The following FNTB variants were observed in gnomAD, a reference collection of about 807,000 sequenced individuals.
The protein encoded by FNTB is protein farnesyltransferase subunit beta.
In FNTB, 27 loss-of-function variants were observed where a neutral mutation model predicts 59.4. That is an observed-to-expected ratio of 0.45 (90% CI 0.34 to 0.63). FNTB has a LOEUF of 0.63. Among genes scored for constraint, FNTB ranks in the 20% least tolerant of loss-of-function variants. The probability of loss-of-function intolerance (pLI) is 0.02; values close to 1 mark genes in which losing one functional copy is unlikely to be tolerated. For synonymous variants in FNTB, 230 were observed against 220.7 expected (o/e 1.04, Z -0.37); for missense variants, 449 against 559.6 (o/e 0.80, Z 1.99).
Position 65,061,543 on chromosome 14 carries a change from G to A in FNTB, c.*231G>A, listed in dbSNP as rs770318505. 50 of 595,148 alleles carry A rather than the reference G, an allele frequency of 8.4e-5. No individual in the cohort carries two copies. Among genetic ancestry groups the A allele is most frequent in the Non-Finnish European group, 1.3e-4 (46 of 366,686 alleles). The allele number at this position is 595,148 out of a possible 1,614,324, so 36.9% of individuals were successfully genotyped here. A position where few individuals can be genotyped will look rare whatever the true frequency, so the allele number is the denominator to read the frequency against. On this transcript the variant is annotated 3_prime_UTR_variant, in exon 12 of 12. Transcript: ENST00000246166. ...TCAAACCAAAAATCTATCAGCCCACGTGGTGTGGTTGGTGAACAGTGCATG... is the reference window on the plus strand; with the variant it reads ...TCAAACCAAAAATCTATCAGCCCACATGGTGTGGTTGGTGAACAGTGCATG...
intron 4 of FNTB, among the ~76,000 whole-genome samples, chr14:65,020,193 T>A (rs534659166): frequency 6.6e-6 from 1 of 152,226 alleles, no homozygotes; most frequent in Non-Finnish European, 1.5e-5. Context: ...TGTCAGCTGC[T>A]ATGACCGCTG....
In FNTB at chr14:65,027,280, A is replaced by G. The variant is rs2139573136; in HGVS notation, c.375-173A>G. 1.0e-6 allele frequency: 1 copy of G among 972,946 alleles called. No homozygotes were observed. Among genetic ancestry groups the G allele is most frequent in the Non-Finnish European group, 1.5e-6 (1 of 665,228 alleles). 60.3% of individuals were successfully genotyped at this position (972,946 alleles called of 1,614,324 possible). On this transcript the variant is annotated intron_variant, in intron 4 of 11. Transcript: ENST00000246166. This position sits in a 1 kb window ranked among gnomAD's most constrained non-coding sequence, Gnocchi z 5.7. ...GGCAGACAGAAATGATGATAGCTGG[A>G]GAGAGAATTAAGCCCTTTGGGGAGA...
chr14:65,015,299 C>T (rs559836856), intron 3 of FNTB, among the ~76,000 whole-genome samples: 37 of 151,686 alleles, frequency 2.4e-4, no homozygotes, highest in African/African-American at 6.3e-4. Flanking sequence ...GACAGGGTTT[C>T]GCCATGTTGG....
At chr14:65,006,042 T>C (rs2061581592) in intron 2 of FNTB, 1 of 1,244,224 alleles carries the variant, frequency 8.0e-7, no homozygotes, top group Non-Finnish European at 1.1e-6. Context: ...CTTCATCATG[T>C]CTCTTGACTT....
At chr14:64,992,090 C>T (rs1888221871) in intron 1 of FNTB, among the ~76,000 whole-genome samples, 1 of 152,076 alleles carries the variant, frequency 6.6e-6, no homozygotes, top group Non-Finnish European at 1.5e-5. Context: ...ATAAAACTTC[C>T]CAACTTTTTA....
chr14:65,015,082 C>A (rs956851514), intron 3 of FNTB, among the ~76,000 whole-genome samples: 2 of 150,994 alleles, frequency 1.3e-5, no homozygotes, highest in African/African-American at 2.4e-5. Context: ...TTTTTTTAAT[C>A]CTGTTGTCTT....
intron 11 of FNTB, among the ~76,000 whole-genome samples, chr14:65,059,916 C>T (rs1255017786): frequency 9.3e-5 from 14 of 150,326 alleles, no homozygotes. Flanking sequence ...TCACTGCAAC[C>T]TCCGCCTCCC....
chr14:65,042,225 C>T (rs895429053), intron 8 of FNTB, among the ~76,000 whole-genome samples: 1 of 152,018 alleles, frequency 6.6e-6, no homozygotes, highest in Non-Finnish European at 1.5e-5. Context: ...CAGGATGATT[C>T]AAGTACATTA....
At chr14:65,036,395 C>T (rs1283420191) in intron 7 of FNTB, among the ~76,000 whole-genome samples, 1 of 151,806 alleles carries the variant, frequency 6.6e-6, no homozygotes, top group Non-Finnish European at 1.5e-5. Flanking sequence ...TGCCACCACA[C>T]CTGGCTAATT....
At chr14:65,008,517 A>T (rs1171506603) in intron 2 of FNTB, among the ~76,000 whole-genome samples, 1 of 152,242 alleles carries the variant, frequency 6.6e-6, no homozygotes, top group East Asian at 1.9e-4. Flanking sequence ...CCGATGGGAT[A>T]ATTTGAGAGA....
In FNTB at chr14:65,047,595, G is replaced by T; in HGVS notation, c.955+3152G>T. Among the ~76,000 whole-genome samples the T allele has an allele frequency of 6.6e-6, 1 of 152,052 alleles. No individual in the cohort carries two copies. Among genetic ancestry groups the T allele is most frequent in the Non-Finnish European group, 1.5e-5 (1 of 68,012 alleles). On this transcript the variant is annotated intron_variant, in intron 9 of 11. Coordinates refer to ENST00000246166, the MANE Select transcript of FNTB (RefSeq NM_002028.4). This position sits in a 1 kb window ranked among gnomAD's most constrained non-coding sequence, Gnocchi z 5.2. ...AAATAGGTTAAGTCATTTTTTGGAGGGCAGTTTGGAGACATCCATTTAAAT... is the reference window on the plus strand; with the variant it reads ...AAATAGGTTAAGTCATTTTTTGGAGTGCAGTTTGGAGACATCCATTTAAAT...
At chr14:64,987,441 G>C (rs774441193) in intron 1 of FNTB, 4 of 359,834 alleles carry the variant, frequency 1.1e-5, no homozygotes, top group African/African-American at 8.2e-5. Flanking sequence ...AGTACTTCGG[G>C]AGGTTCTGGG....
chr14:65,015,982 G>C (rs1162721569), intron 4 of FNTB, among the ~76,000 whole-genome samples: 1 of 152,126 alleles, frequency 6.6e-6, no homozygotes, highest in South Asian at 2.1e-4. Context: ...CTTGACTCTG[G>C]TCTTTGAGAA....
chr14:65,041,567 A>T (rs2062354800), intron 8 of FNTB, among the ~76,000 whole-genome samples: 1 of 152,188 alleles, frequency 6.6e-6, no homozygotes, highest in Non-Finnish European at 1.5e-5. Context: ...CCTGACCATG[A>T]CGTCAAAGCA....
chr14:65,059,777 T>A (rs940161312), intron 11 of FNTB, among the ~76,000 whole-genome samples: 6 of 152,010 alleles, frequency 3.9e-5, no homozygotes, highest in Non-Finnish European at 8.8e-5. Flanking sequence ...TTAAATTTTG[T>A]TTATATATTT....
intron 1 of FNTB, among the ~76,000 whole-genome samples, chr14:64,988,735 G>C (rs1888060726): frequency 6.6e-6 from 1 of 152,132 alleles, no homozygotes; most frequent in African/African-American, 2.4e-5. Context: ...CCTGGTGCGA[G>C]TATCTTTCAA....
chr14:65,053,476 G>A, intron 10 of FNTB, 127 bp downstream of exon 10: 2 of 812,694 alleles, frequency 2.5e-6, no homozygotes, highest in Non-Finnish European at 3.3e-6. Flanking sequence ...CATAGCGCTA[G>A]GTTGTATGGG....
chr14:65,008,994 C>T (rs753484709), intron 2 of FNTB, among the ~76,000 whole-genome samples: 2 of 152,164 alleles, frequency 1.3e-5, no homozygotes, highest in Non-Finnish European at 2.9e-5. Flanking sequence ...TCCCACCCTG[C>T]ACCCCCTCAA....
In FNTB at chr14:64,990,847, C is replaced by T. The variant is rs895905656; in HGVS notation, c.144+3750C>T. ...GGAGAGAGGTGACGGTGGCTTAGCT[C>T]ACAGTGACGGTAGTGGAGGTAATGA... On this transcript the variant is annotated intron_variant, in intron 1 of 11. Transcript: ENST00000246166. This position sits in a 1 kb window ranked among gnomAD's most constrained non-coding sequence, Gnocchi z 5.2. Among the ~76,000 whole-genome samples the T allele has an allele frequency of 2.6e-5, 4 of 152,112 alleles. No individual in the cohort carries two copies. The highest frequency in any genetic ancestry group is 5.9e-5 in the Non-Finnish European group (4 of 68,034).
Sources: gnomAD v4.1 joint callset for allele counts (sites outside exome capture counted in the v4.1 genomes callset) on GRCh38, gnomAD v4.1.1 for gene constraint, Gnocchi (gnomAD v3.1) non-coding constraint, MANE v1.5 for transcripts, NCBI Gene and HGNC (gene_info 2026-07-23, HGNC 2026-07-21) for gene names.